The following BCAR1 variants were observed in gnomAD, a reference collection of about 807,000 sequenced individuals.
The protein encoded by BCAR1 is BCAR1 scaffold protein, Cas family member.
A neutral mutation model predicts 67.6 loss-of-function variants in BCAR1; 30 were observed. That is an observed-to-expected ratio of 0.44 (90% CI 0.33 to 0.60). The LOEUF (loss-of-function observed/expected upper bound fraction) is 0.60. Ranked by LOEUF, BCAR1 falls within the 20% of genes least tolerant of loss-of-function variation. The pLI is 0.02. For missense variants in BCAR1, 1,313 were observed against 1,222.3 expected (o/e 1.07, Z -1.11); for synonymous variants, 626 against 556.7 (o/e 1.12, Z -1.75).
Position 75,235,886 on chromosome 16 carries a change from G to A in BCAR1, c.1013C>T (p.Pro338Leu). ...CAGTGGGGTGCGGGCCGGGTCAAAG[G>A]GCTTGGCCTTGGCGAAGGCGGGGGG... ...DVPPAFAKAK[P>L]FDPARTPLVL... The change falls in exon 5 of 7, where the codon CCC (proline) becomes CTC (leucine). Residue 338 changes from proline (P) to leucine (L), a missense_variant. Coordinates refer to ENST00000162330, the MANE Select transcript of BCAR1 (RefSeq NM_014567.5). 1.3e-6 allele frequency: 2 copies of A among 1,563,886 alleles called. No homozygotes were observed. The highest frequency in any genetic ancestry group is 1.7e-6 in the Non-Finnish European group (2 of 1,155,030).
At position 75,230,164 on chromosome 16, in the gene BCAR1, T is replaced by TC. The variant is rs899483572; in HGVS notation, c.2101-142dup. 1.4e-3 allele frequency: 1,445 copies of TC among 1,049,868 alleles called. 3 individuals are homozygous for TC. The highest frequency in any genetic ancestry group is 6.4e-3 in the Middle Eastern group (21 of 3,304). 65.0% of individuals were successfully genotyped at this position (1,049,868 alleles called of 1,614,324 possible). On this transcript the variant is annotated intron_variant, in intron 6 of 6. Coordinates refer to ENST00000162330, the MANE Select transcript of BCAR1 (RefSeq NM_014567.5). ...TGGGACTGCAGGGAAACGGGCAGTCTCCTCTCCCGGGGACGGGACCAGGAA... is the reference window on the plus strand; with the variant it reads ...TGGGACTGCAGGGAAACGGGCAGTCTCCCTCTCCCGGGGACGGGACCAGGAA...
upstream of BCAR1, among the ~76,000 whole-genome samples, chr16:75,252,777 A>G (rs1222006457): frequency 1.3e-5 from 2 of 151,986 alleles, no homozygotes; most frequent in Non-Finnish European, 2.9e-5. Context: ...CCTCTGTCTG[A>G]CCCCCAGGGC....
At chr16:75,240,919 C>T (rs563558264) in intron 2 of BCAR1, among the ~76,000 whole-genome samples, 1 of 152,344 alleles carries the variant, frequency 6.6e-6, no homozygotes, top group South Asian at 2.1e-4. Flanking sequence ...AACACAGCCT[C>T]GAGGCCGGGC....
intron 1 of BCAR1, chr16:75,250,839 C>T: frequency 4.1e-6 from 4 of 985,496 alleles, no homozygotes; most frequent in Non-Finnish European, 4.8e-6. Context: ...GTGGCCAGGA[C>T]CCGGCTTCCA....
intron 1 of BCAR1, among the ~76,000 whole-genome samples, chr16:75,244,099 A>G (rs1228385415): frequency 6.6e-6 from 1 of 152,236 alleles, no homozygotes; most frequent in Non-Finnish European, 1.5e-5. Flanking sequence ...GTGTGAGAAC[A>G]GTGCCAGGCT....
At chr16:75,243,418 A>C in intron 1 of BCAR1, 2 of 600,106 alleles carry the variant, frequency 3.3e-6, no homozygotes, top group Non-Finnish European at 3.2e-6. Flanking sequence ...CTGGACCAAC[A>C]CAAGGAGAGC....
chr16:75,253,901 G>A (rs117348117), upstream of BCAR1, among the ~76,000 whole-genome samples: 3,581 of 152,272 alleles, frequency 0.024, 84 homozygotes, highest in Middle Eastern at 0.12. Context: ...CCAGTGCCAG[G>A]GGCCCTATGC....
chr16:75,236,887 G>A lies in BCAR1; in HGVS notation c.907C>T (p.His303Tyr). The A allele has an allele frequency of 1.2e-6, 2 of 1,612,646 alleles. No individual in the cohort carries two copies. Among genetic ancestry groups the A allele is most frequent in the Middle Eastern group, 1.7e-4 (1 of 6,054 alleles). ...VEKGLPPSNH[H>Y]AVYDVPPSVS... ...TTGCCCTGGCATTTGCTCACTGCGT[G>A]GTGGTTGGACGGTGGCAGGCCCTTC... The change falls in exon 4 of 7, where the codon CAC (histidine) becomes TAC (tyrosine). Residue 303 changes from histidine to tyrosine, a missense_variant. Coordinates refer to ENST00000162330, the MANE Select transcript of BCAR1 (RefSeq NM_014567.5).
intron 2 of BCAR1, among the ~76,000 whole-genome samples, chr16:75,241,649 C>A (rs8048371): frequency 1.3e-5 from 2 of 152,150 alleles, no homozygotes; most frequent in Non-Finnish European, 2.9e-5. Flanking sequence ...GTCCCCCACC[C>A]GCCAACGACC....
rs764187548 is a variant in BCAR1 at position 75,248,067 on chromosome 16, G to A, written c.12+3404C>T. ...AGACACGATTACCTCCATCTTACTA[G>A]ACAGGAAAACCAAGGCTCAGAAGCT... On this transcript the variant is annotated intron_variant, in intron 1 of 6. Coordinates refer to ENST00000162330, the MANE Select transcript of BCAR1 (RefSeq NM_014567.5). The A allele has an allele frequency of 1.5e-5, 23 of 1,566,694 alleles. No individual in the cohort carries two copies. The South Asian group carries it at 1.6e-4, about 11-fold the overall frequency.
Position 75,235,782 on chromosome 16 carries a change from C to T in BCAR1, c.1117G>A (p.Asp373Asn), listed in dbSNP as rs751004421. The T allele has an allele frequency of 5.0e-6, 8 of 1,593,942 alleles. No homozygotes were observed. The highest frequency in any genetic ancestry group is 2.7e-5 in the African/African-American group (2 of 74,752). The change falls in exon 5 of 7, where the codon GAC (aspartate) becomes AAC (asparagine). Residue 373 changes from aspartate to asparagine, a missense_variant. Asp to Asn is a conservative substitution (Grantham distance 23, BLOSUM62 1). Transcript: ENST00000162330. ...GGCCGCCGCAAGCCAGGGGGCACGT[C>T]GTAGAGGTCAGGAGCCGGGGGCGGC... is the stretch of plus-strand genomic sequence containing the variant. ...DVPPPAPDLYDVPPGLRRPGP... is the reference protein window; with the variant it reads ...DVPPPAPDLYNVPPGLRRPGP...
intron 1 of BCAR1, chr16:75,267,873 T>A (rs747322276): frequency 1.3e-6 from 2 of 1,567,928 alleles, no homozygotes; most frequent in African/African-American, 1.3e-5. Context: ...AACTCAGCCC[T>A]TAGCAGGGAG....
chr16:75,267,988 C>T, exon 1 of BCAR1: 1 of 1,571,368 alleles, frequency 6.4e-7, no homozygotes, highest in Non-Finnish European at 8.6e-7. Flanking sequence ...CATGCCCTCT[C>T]CTGACACTAC....
chr16:75,236,091 G>T, intron 4 of BCAR1, 105 bp from the exon 5 acceptor site: 1 of 1,403,742 alleles, frequency 7.1e-7, no homozygotes, highest in South Asian at 1.4e-5. Context: ...CACACATACA[G>T]ACACACACAC....
At chr16:75,238,446 C>T in intron 2 of BCAR1, 1 of 1,023,114 alleles carries the variant, frequency 9.8e-7, no homozygotes, top group Non-Finnish European at 1.2e-6. Flanking sequence ...AGCAGCCCCT[C>T]CCCCGGGCCC....
At chr16:75,243,392 A>C in intron 1 of BCAR1, 1 of 612,642 alleles carries the variant, frequency 1.6e-6, no homozygotes. Context: ...AGCCCCACCC[A>C]AGGCCACTCT....
chr16:75,264,356 C>T, intron 1 of BCAR1: 2 of 1,524,518 alleles, frequency 1.3e-6, no homozygotes, highest in Non-Finnish European at 8.8e-7. Flanking sequence ...GATACCGGCC[C>T]TCCAGCAGGC....
chr16:75,258,039 G>C (rs1216435242), intron 1 of BCAR1, among the ~76,000 whole-genome samples: 2 of 152,184 alleles, frequency 1.3e-5, no homozygotes, highest in Non-Finnish European at 1.5e-5. Flanking sequence ...CAGACTGATG[G>C]CACAGGTGGC....
At chr16:75,255,856 T>C (rs1472545166), upstream of BCAR1, among the ~76,000 whole-genome samples, 1 of 152,152 alleles carries the variant, frequency 6.6e-6, no homozygotes, top group Non-Finnish European at 1.5e-5. Flanking sequence ...CCGGGCGTGG[T>C]GGCACATGCC....
Sources: gnomAD v4.1 joint callset for allele counts (sites outside exome capture counted in the v4.1 genomes callset) on GRCh38, gnomAD v4.1.1 for gene constraint, MANE v1.5 for transcripts, NCBI Gene and HGNC (gene_info 2026-07-23, HGNC 2026-07-21) for gene names.